HS3ST5: variants seen among roughly 807,000 people sequenced by gnomAD.
HS3ST5 encodes the protein heparan sulfate-glucosamine 3-sulfotransferase 5, also known as heparan sulfate glucosamine 3-O-sulfotransferase 5.
A neutral mutation model predicts 25.4 loss-of-function variants in HS3ST5; 10 were observed. The observed-to-expected ratio is 0.39, with a 90% CI of 0.24 to 0.67. The LOEUF is 0.67. Ranked by LOEUF, HS3ST5 falls within the 30% of genes least tolerant of loss-of-function variation. HS3ST5 has a pLI of 0.44. For missense variants in HS3ST5, 324 were observed against 420.7 expected (o/e 0.77, Z 2.01); for synonymous variants, 170 against 162.4 (o/e 1.05, Z -0.36).
At chr6:114,120,334 G>C (rs2114874233) in intron 3 of HS3ST5, among the ~76,000 whole-genome samples, 1 of 152,244 alleles carries the variant, frequency 6.6e-6, no homozygotes, top group Admixed American at 6.5e-5. Context: ...CTGAGGTACA[G>C]AGAAATGAAG....
At chr6:114,267,547 G>T (rs76370082) in intron 1 of HS3ST5, among the ~76,000 whole-genome samples, 1 of 152,182 alleles carries the variant, frequency 6.6e-6, no homozygotes, top group Admixed American at 6.5e-5. Flanking sequence ...CAAGGCACAA[G>T]CACCCTTCCT....
intron 3 of HS3ST5, among the ~76,000 whole-genome samples, chr6:114,166,746 CCAT>C (rs1179457319): frequency 1.6e-4 from 25 of 152,170 alleles, no homozygotes; most frequent in African/African-American, 5.8e-4. Context: ...GTAGGAATAA[CCAT>C]TTTGTTTTTC....
intron 3 of HS3ST5, among the ~76,000 whole-genome samples, chr6:114,147,072 A>G (rs1219365626): frequency 6.6e-6 from 1 of 152,090 alleles, no homozygotes; most frequent in Non-Finnish European, 1.5e-5. Flanking sequence ...GCATTATCCT[A>G]TTACTACACT....
chr6:114,119,062 C>T (rs1776662828), intron 3 of HS3ST5, among the ~76,000 whole-genome samples: 1 of 152,166 alleles, frequency 6.6e-6, no homozygotes, highest in Admixed American at 6.5e-5. Flanking sequence ...CATGTACTGT[C>T]CCTATGAGAC....
chr6:114,341,736 C>G (rs919243619), intron 1 of HS3ST5, among the ~76,000 whole-genome samples: 4 of 152,102 alleles, frequency 2.6e-5, no homozygotes, highest in African/African-American at 9.7e-5. Flanking sequence ...TCTGCCTGTC[C>G]TCTGCTGGGG....
intron 1 of HS3ST5, among the ~76,000 whole-genome samples, chr6:114,234,629 G>A (rs1014019479): frequency 2.6e-5 from 4 of 151,984 alleles, no homozygotes; most frequent in Non-Finnish European, 4.4e-5. Flanking sequence ...TAAGATTAAC[G>A]GAATGATGGA....
chr6:114,293,936 A>G (rs1562266526), intron 1 of HS3ST5, among the ~76,000 whole-genome samples: 1 of 152,234 alleles, frequency 6.6e-6, no homozygotes, highest in African/African-American at 2.4e-5. Flanking sequence ...TTTAGGTCAA[A>G]GGAGAAACCA....
intron 1 of HS3ST5, among the ~76,000 whole-genome samples, chr6:114,257,661 AC>A (rs1159653176): frequency 4.6e-5 from 7 of 152,132 alleles, no homozygotes; most frequent in Non-Finnish European, 7.4e-5. Context: ...ACATTCAATA[AC>A]TTTTGTCCAC....
intron 1 of HS3ST5, among the ~76,000 whole-genome samples, chr6:114,276,244 AGAATC>A (rs994668285): frequency 6.2e-4 from 95 of 152,010 alleles, no homozygotes; most frequent in African/African-American, 2.3e-3. Context: ...AGCTGGGATT[AGAATC>A]ATTGACCTAT....
At chr6:114,276,359 C>T (rs903638307) in intron 1 of HS3ST5, among the ~76,000 whole-genome samples, 5 of 151,704 alleles carry the variant, frequency 3.3e-5, no homozygotes, top group African/African-American at 1.2e-4. Context: ...CTTCATATGC[C>T]ATGCACATAA....
chr6:114,173,830 G>A (rs1248269684), intron 2 of HS3ST5, among the ~76,000 whole-genome samples: 1 of 152,266 alleles, frequency 6.6e-6, no homozygotes, highest in East Asian at 1.9e-4. Flanking sequence ...CTGCATTCCA[G>A]CCTGGGCAAC....
At chr6:114,113,046 C>G (rs1463037278) in intron 3 of HS3ST5, among the ~76,000 whole-genome samples, 2 of 152,132 alleles carry the variant, frequency 1.3e-5, no homozygotes, top group Non-Finnish European at 2.9e-5. Context: ...ATGCTGAAGT[C>G]TTAATTCCAC....
chr6:114,237,550 TCA>T (rs1771915990), intron 1 of HS3ST5, among the ~76,000 whole-genome samples: 1 of 152,302 alleles, frequency 6.6e-6, no homozygotes, highest in South Asian at 2.1e-4. Context: ...GTCCCCATCC[TCA>T]CAGATTCTGG....
At chr6:114,159,169 G>A (rs1400313568) in intron 3 of HS3ST5, among the ~76,000 whole-genome samples, 1 of 152,200 alleles carries the variant, frequency 6.6e-6, no homozygotes, top group Admixed American at 6.5e-5. Flanking sequence ...AGTAACTCAT[G>A]AAAACTTGTT....
intron 3 of HS3ST5, among the ~76,000 whole-genome samples, chr6:114,093,353 TTG>T (rs60927880): frequency 0.23 from 30,962 of 133,586 alleles, 3,649 homozygotes; most frequent in Admixed American, 0.33. Flanking sequence ...GTTTGTTTGT[TTG>T]TGTGTGTGTG....
At chr6:114,325,283 T>G (rs1421375810) in intron 1 of HS3ST5, among the ~76,000 whole-genome samples, 2 of 152,186 alleles carry the variant, frequency 1.3e-5, no homozygotes, top group African/African-American at 4.8e-5. Context: ...TAATAACCTA[T>G]TTAGACCACA....
chr6:114,223,229 T>G (rs947735461), intron 2 of HS3ST5, among the ~76,000 whole-genome samples: 16 of 151,766 alleles, frequency 1.1e-4, no homozygotes, highest in Non-Finnish European at 2.4e-4. Context: ...AATATAAGCT[T>G]CTTTTCTCAT....
At chr6:114,206,428 T>G (rs1338073706) in intron 2 of HS3ST5, among the ~76,000 whole-genome samples, 2 of 152,296 alleles carry the variant, frequency 1.3e-5, no homozygotes, top group East Asian at 3.9e-4. Context: ...ATGGTATAAC[T>G]AGACATTTCA....
intron 2 of HS3ST5, among the ~76,000 whole-genome samples, chr6:114,185,571 A>T (rs1165860438): frequency 1.3e-5 from 2 of 152,112 alleles, no homozygotes; most frequent in Non-Finnish European, 2.9e-5. Flanking sequence ...CATTTTTTAC[A>T]AATTGAAGGT....
Sources: allele counts gnomAD v4.1 joint callset (sites outside exome capture counted in the v4.1 genomes callset), GRCh38; gene constraint gnomAD v4.1.1; transcripts MANE v1.5; gene names NCBI Gene and HGNC (gene_info 2026-07-23, HGNC 2026-07-21).